The following SLC3A1 variants were observed in gnomAD, a reference collection of about 807,000 sequenced individuals.
SLC3A1 encodes the protein solute carrier family 3 member 1.
A neutral mutation model predicts 60.3 loss-of-function variants in SLC3A1; 78 were observed. The observed-to-expected ratio is 1.29, with a 90% CI of 1.08 to 1.56. The LOEUF (loss-of-function observed/expected upper bound fraction) is 1.56, where lower values mean the gene tolerates loss of function less well. Ranked by LOEUF, SLC3A1 falls within the 40% of genes most tolerant of loss-of-function variation. SLC3A1 has a pLI of 0.00. For synonymous variants in SLC3A1, 392 were observed against 307.9 expected (o/e 1.27, Z -2.86); for missense variants, 1,172 against 858.9 (o/e 1.36, Z -4.56).
chr2:44,312,458 C>A, intron 7 of SLC3A1, 128 bp from the exon 8 acceptor site: 1 of 951,924 alleles, frequency 1.1e-6, no homozygotes. Context: ...GGACTCAAGT[C>A]CAGGCTTGCT....
At chr2:44,297,717 C>G (rs1350902046) in intron 4 of SLC3A1, among the ~76,000 whole-genome samples, 1 of 152,114 alleles carries the variant, frequency 6.6e-6, no homozygotes, top group Non-Finnish European at 1.5e-5. Flanking sequence ...TCACTAAGTA[C>G]CAGGTGCTGT....
rs563367048 is a variant in SLC3A1 at position 44,281,604 on chromosome 2, T to G, written c.765+63T>G. The G allele has an allele frequency of 4.7e-6, 7 of 1,497,592 alleles. No individual in the cohort carries two copies. In the African/African-American group the frequency reaches 9.6e-5, roughly 21 times the overall value. 92.8% of individuals were successfully genotyped at this position (1,497,592 alleles called of 1,614,324 possible). A position where few individuals can be genotyped will look rare whatever the true frequency, so the allele number is the denominator to read the frequency against. On this transcript the variant is annotated intron_variant, in intron 3 of 9. Transcript: ENST00000260649. ...GGCAGATATGTAGTGATTGAACTGA[T>G]TTAGTAAAACCCTTTTGAGGGAAAA...
rs1428140308 is a variant in SLC3A1 at position 44,295,998 on chromosome 2, TA to T, written c.892-3969del. Among the ~76,000 whole-genome samples the T allele has an allele frequency of 2.0e-5, 3 of 152,170 alleles. No homozygotes were observed. In the East Asian group the frequency reaches 5.8e-4, roughly 29 times the overall value. On this transcript the variant is annotated intron_variant, in intron 4 of 9. Coordinates refer to ENST00000260649, the MANE Select transcript of SLC3A1 (RefSeq NM_000341.4). The stretch of plus-strand genomic sequence containing the variant: ...AAGTACAGAAAAGTTGGTATTTACT[TA>T]AAATGAGCAAAGAAGGGGAGTTAGA...
intron 1 of SLC3A1, among the ~76,000 whole-genome samples, chr2:44,276,306 T>C (rs1671340557): frequency 6.6e-6 from 1 of 152,214 alleles, no homozygotes; most frequent in South Asian, 2.1e-4. Context: ...GACTTTATAG[T>C]TGAATATGTC....
intron 4 of SLC3A1, among the ~76,000 whole-genome samples, chr2:44,288,531 T>C (rs907369496): frequency 6.6e-6 from 1 of 152,214 alleles, no homozygotes; most frequent in Non-Finnish European, 1.5e-5. Context: ...TGTATATCCC[T>C]GGTAGGTGTC....
rs555997742 is a variant in SLC3A1 at position 44,312,618 on chromosome 2, G to T, written c.1365G>T (p.Ser455=). The T allele has an allele frequency of 6.2e-6, 10 of 1,613,772 alleles. No homozygotes were observed. In the Admixed American group the frequency reaches 1.7e-4, roughly 27 times the overall value. Residue 455 remains serine (S), a synonymous_variant, in exon 8 of 10, where the codon TCG becomes TCT. Transcript: ENST00000260649. Reference sequence around the variant, plus strand: ...GACCAGACAGTTCACGGCTGACTTCGCGTTTGGGGAATCAGTATGTCAACG... The same window carrying T: ...GACCAGACAGTTCACGGCTGACTTCTCGTTTGGGGAATCAGTATGTCAACG... ...IGGPDSSRLT[S]RLGNQYVNVM...
chr2:44,312,794 A>AC, intron 8 of SLC3A1, 41 bp downstream of exon 8: 1 of 1,544,428 alleles, frequency 6.5e-7, no homozygotes, highest in Non-Finnish European at 8.8e-7. Context: ...CAGCTATAAA[A>AC]CCAAGTATTC....
chr2:44,299,761 A>G (rs1671955482), intron 4 of SLC3A1, among the ~76,000 whole-genome samples: 1 of 152,192 alleles, frequency 6.6e-6, no homozygotes, highest in Non-Finnish European at 1.5e-5. Flanking sequence ...TTCACATATG[A>G]AGGAGGTGTG....
In SLC3A1 at chr2:44,275,504, G is replaced by C. The variant is rs1375611876; in HGVS notation, c.-32G>C. On this transcript the variant is annotated 5_prime_UTR_variant, in exon 1 of 10. Coordinates refer to ENST00000260649, the MANE Select transcript of SLC3A1 (RefSeq NM_000341.4). ...CACTCTTCCACCTCCCTTACTGCAG[G>C]AAGGCACTCCGAAGACATAAGTCGG... 5 of 1,592,954 alleles carry C rather than the reference G, an allele frequency of 3.1e-6. No individual in the cohort carries two copies. Among genetic ancestry groups the C allele is most frequent in the African/African-American group, 2.7e-5 (2 of 74,524 alleles).
At chr2:44,321,649 AAG>A (rs1439394907), downstream of SLC3A1, 3 of 1,516,578 alleles carry the variant, frequency 2.0e-6, no homozygotes, top group Non-Finnish European at 2.6e-6. Flanking sequence ...TATCAAGTAC[AAG>A]AGAGAGACAT....
intron 9 of SLC3A1, chr2:44,318,442 C>G (rs1377018838): frequency 5.7e-6 from 1 of 175,818 alleles, no homozygotes; most frequent in Non-Finnish European, 1.2e-5. Flanking sequence ...AATATTTTAT[C>G]AACAGAAAAC....
intron 4 of SLC3A1, among the ~76,000 whole-genome samples, chr2:44,297,403 A>G (rs1488773419): frequency 6.6e-6 from 1 of 152,068 alleles, no homozygotes; most frequent in Non-Finnish European, 1.5e-5. Flanking sequence ...CTGCCTCCAC[A>G]CTTGGCTCAT....
downstream of SLC3A1, chr2:44,321,704 T>A (rs1208256497): frequency 6.3e-7 from 1 of 1,582,578 alleles, no homozygotes; most frequent in Admixed American, 1.8e-5. Context: ...CTCCTGGGTC[T>A]CACCCATAGA....
chr2:44,299,275 G>T (rs1298517356), intron 4 of SLC3A1, among the ~76,000 whole-genome samples: 1 of 152,130 alleles, frequency 6.6e-6, no homozygotes, highest in East Asian at 1.9e-4. Context: ...CTGACCTCAG[G>T]TGATCCGCCT....
At position 44,320,222 on chromosome 2, in the gene SLC3A1, G is replaced by A. The variant is rs371537299; in HGVS notation, c.1641G>A (p.Ser547=). ...AGGTCCAAAAGACTCAGCCCAGATC[G>A]GCTTTGAAGTTATATCAAGATTTAA... ...NVDVQKTQPR[S]ALKLYQDLSL... is the part of the protein sequence containing the mutation. Residue 547 remains serine, a synonymous_variant, in exon 10 of 10, where the codon TCG becomes TCA. Coordinates refer to ENST00000260649, the MANE Select transcript of SLC3A1 (RefSeq NM_000341.4). The A allele has an allele frequency of 9.9e-6, 16 of 1,613,660 alleles. No homozygotes were observed. The highest frequency in any genetic ancestry group is 4.5e-5 in the East Asian group (2 of 44,892).
rs1672179933 is a variant in SLC3A1, at chr2:44,307,222, A to G, written c.1332+2884A>G. Among the ~76,000 whole-genome samples the G allele has an allele frequency of 2.6e-5, 4 of 152,294 alleles. No individual in the cohort carries two copies. The South Asian group carries it at 8.3e-4, about 32-fold the overall frequency. On this transcript the variant is annotated intron_variant, in intron 7 of 9. Transcript: ENST00000260649. ...CTGAATAGTAACTTCCATAAAGCCC[A>G]TTTTGTTTATCTGATCATGAATTGA...
At chr2:44,276,869 G>A (rs184861367) in intron 1 of SLC3A1, among the ~76,000 whole-genome samples, 3 of 152,208 alleles carry the variant, frequency 2.0e-5, no homozygotes, top group South Asian at 2.1e-4. Flanking sequence ...AAATTGGTTG[G>A]TATGGTCACT....
intron 3 of SLC3A1, 26 bp from the exon 4 acceptor site, chr2:44,286,006 G>C (rs771019392): frequency 6.2e-7 from 1 of 1,613,920 alleles, no homozygotes; most frequent in East Asian, 2.2e-5. Context: ...ATAGGTCACT[G>C]ATGTGCTGTT....
rs374523942 is a variant in SLC3A1 at position 44,302,822 on chromosome 2, A to C, written c.1137-1321A>C. Among the ~76,000 whole-genome samples, 11 of 152,356 alleles carry C rather than the reference A, an allele frequency of 7.2e-5. No individual in the cohort carries two copies. The East Asian group carries it at 2.1e-3, about 29-fold the overall frequency. On this transcript the variant is annotated intron_variant, in intron 6 of 9. Transcript: ENST00000260649. ...ATGAGAATTGCTAAAGAAAGTCTTCATGGATGTCAACGAGTTTTAGTGTCA... is the reference window on the plus strand; with the variant it reads ...ATGAGAATTGCTAAAGAAAGTCTTCCTGGATGTCAACGAGTTTTAGTGTCA...
Sources: allele counts gnomAD v4.1 joint callset (sites outside exome capture counted in the v4.1 genomes callset), GRCh38; gene constraint gnomAD v4.1.1; transcripts MANE v1.5; gene names NCBI Gene and HGNC (gene_info 2026-07-23, HGNC 2026-07-21).